ALK: variants seen among roughly 807,000 people sequenced by gnomAD.
The protein encoded by ALK is ALK receptor tyrosine kinase, also known as ALK tyrosine kinase receptor.
ALK carries 74 observed loss-of-function variants against 163.1 expected under a neutral mutation model. The ratio of observed to expected loss-of-function variants is 0.45; its 90% confidence interval spans 0.38 to 0.55. The LOEUF is 0.55. Among genes scored for constraint, ALK ranks in the 20% least tolerant of loss-of-function variants. The pLI is 0.00. For synonymous variants in ALK, 960 were observed against 843.2 expected (o/e 1.14, Z -2.40); for missense variants, 2,063 against 2,105.3 (o/e 0.98, Z 0.39).
At chr2:29,640,465 C>T (rs1053074010) in intron 3 of ALK, among the ~76,000 whole-genome samples, 2 of 152,130 alleles carry the variant, frequency 1.3e-5, no homozygotes, top group East Asian at 3.8e-4. Context: ...AAGTGATGTG[C>T]CTGCTTCCCC....
chr2:29,434,525 G>T (rs985165112), intron 4 of ALK, among the ~76,000 whole-genome samples: 1 of 152,170 alleles, frequency 6.6e-6, no homozygotes, highest in East Asian at 1.9e-4. Flanking sequence ...TACATTACTT[G>T]GAAGCAACAC....
At chr2:29,361,894 T>C (rs1668396542) in intron 5 of ALK, among the ~76,000 whole-genome samples, 1 of 152,220 alleles carries the variant, frequency 6.6e-6, no homozygotes, top group Admixed American at 6.5e-5. Flanking sequence ...CCTTCGACTG[T>C]CTTTGAAACA....
intron 1 of ALK, among the ~76,000 whole-genome samples, chr2:29,917,377 T>C (rs1381925434): frequency 6.6e-6 from 1 of 152,232 alleles, no homozygotes; most frequent in African/African-American, 2.4e-5. Context: ...AAGAGTTAAA[T>C]GCCTTTTCTA....
intron 4 of ALK, among the ~76,000 whole-genome samples, chr2:29,506,829 G>A (rs989841000): frequency 6.6e-6 from 1 of 152,160 alleles, no homozygotes; most frequent in East Asian, 1.9e-4. Context: ...GGACACTGGG[G>A]AATGACCCAG....
At chr2:29,677,285 C>G (rs1390733537) in intron 3 of ALK, among the ~76,000 whole-genome samples, 1 of 138,772 alleles carries the variant, frequency 7.2e-6, no homozygotes, top group Non-Finnish European at 1.6e-5. Flanking sequence ...CATCCCCTCC[C>G]CTTCCCTTCC....
chr2:29,208,479 G>C (rs1031412411), intron 25 of ALK, among the ~76,000 whole-genome samples: 1 of 151,174 alleles, frequency 6.6e-6, no homozygotes, highest in Non-Finnish European at 1.5e-5. Flanking sequence ...TTCTGAGGAG[G>C]GAGAGGAAGG....
At chr2:29,872,019 G>A (rs552739229) in intron 1 of ALK, among the ~76,000 whole-genome samples, 63 of 152,256 alleles carry the variant, frequency 4.1e-4, no homozygotes, top group African/African-American at 1.4e-3. Flanking sequence ...CAGTAAGTAC[G>A]TGGCTGACAT....
chr2:29,515,394 C>G (rs572349838), intron 4 of ALK, among the ~76,000 whole-genome samples: 13 of 152,258 alleles, frequency 8.5e-5, no homozygotes, highest in Admixed American at 2.0e-4. Flanking sequence ...GTCCCCTGTT[C>G]TATTTTCACC....
intron 28 of ALK, 75 bp from the exon 29 acceptor site, chr2:29,193,997 A>T: frequency 7.2e-7 from 1 of 1,387,470 alleles, no homozygotes; most frequent in Non-Finnish European, 1.0e-6. Context: ...CTTAGAGATG[A>T]TGTTATCTAA....
At chr2:29,691,699 C>T (rs2631989) in intron 3 of ALK, among the ~76,000 whole-genome samples, 1 of 151,908 alleles carries the variant, frequency 6.6e-6, no homozygotes, top group Non-Finnish European at 1.5e-5. Context: ...CCTCTCCCCC[C>T]CTTCTTTTTT....
chr2:29,616,602 AC>A (rs1675855202), intron 3 of ALK, among the ~76,000 whole-genome samples: 1 of 152,118 alleles, frequency 6.6e-6, no homozygotes, highest in African/African-American at 2.4e-5. Flanking sequence ...GAGCATGGCA[AC>A]CTCTGAAATT....
intron 1 of ALK, among the ~76,000 whole-genome samples, chr2:29,771,018 TACAC>T (rs1284489730): frequency 7.2e-6 from 1 of 138,490 alleles, no homozygotes; most frequent in African/African-American, 2.9e-5. Context: ...CATACACAAA[TACAC>T]ACAAACACAA....
At chr2:29,649,389 A>AGAGAAAGAGAG (rs1193471661) in intron 3 of ALK, among the ~76,000 whole-genome samples, 30 of 152,262 alleles carry the variant, frequency 2.0e-4, no homozygotes, top group African/African-American at 7.0e-4. Flanking sequence ...GCTTTCTGTT[A>AGAGAAAGAGAG]GAACTGCTAT....
At chr2:29,814,109 TAAC>T (rs1281323247) in intron 1 of ALK, among the ~76,000 whole-genome samples, 1 of 151,952 alleles carries the variant, frequency 6.6e-6, no homozygotes, top group Admixed American at 6.6e-5. Flanking sequence ...AAGAAGAAAA[TAAC>T]AAAAATAGCT....
At chr2:29,685,613 A>G (rs988559013) in intron 3 of ALK, among the ~76,000 whole-genome samples, 1 of 145,790 alleles carries the variant, frequency 6.9e-6, no homozygotes, top group Non-Finnish European at 1.5e-5. Context: ...TTCCTTCTAG[A>G]ATCGTGCCCC....
intron 1 of ALK, among the ~76,000 whole-genome samples, chr2:29,819,613 T>G (rs1420876453): frequency 6.6e-6 from 1 of 152,276 alleles, no homozygotes; most frequent in Admixed American, 6.5e-5. Context: ...AAAAGTTTCT[T>G]AGCAAATTGA....
At chr2:29,722,666 TATC>T (rs1679454902) in intron 1 of ALK, among the ~76,000 whole-genome samples, 1 of 152,190 alleles carries the variant, frequency 6.6e-6, no homozygotes, top group South Asian at 2.1e-4. Flanking sequence ...TGGCTCTAAA[TATC>T]ATCCACATAC....
rs2148143357 is a variant in ALK, at chr2:29,197,586, G to T, written c.4029C>A (p.Thr1343=). 6.2e-7 allele frequency: 1 copy of T among 1,613,826 alleles called. No homozygotes were observed. The highest frequency in any genetic ancestry group is 8.5e-7 in the Non-Finnish European group (1 of 1,180,018). ...KSNQEVLEFV[T]SGGRMDPPKN... is the part of the protein sequence containing the mutation. ...TGGGTGGGTCCATCCGGCCTCCACT[G>T]GTGACAAACTCCAGAACTTCCTGGT... Residue 1343 remains threonine (T), a synonymous_variant, in exon 27 of 29, where the codon ACC becomes ACA. Transcript: ENST00000389048.
intron 8 of ALK, among the ~76,000 whole-genome samples, chr2:29,316,458 C>CTAAT: frequency 3.3e-5 from 5 of 151,906 alleles, no homozygotes; most frequent in African/African-American, 1.2e-4. Flanking sequence ...AACGAAACAC[C>CTAAT]TGTTTAAGCT....
Sources: allele counts gnomAD v4.1 joint callset (sites outside exome capture counted in the v4.1 genomes callset), GRCh38; gene constraint gnomAD v4.1.1; transcripts MANE v1.5; gene names NCBI Gene and HGNC (gene_info 2026-07-23, HGNC 2026-07-21).